Variants in WSCD2 observed in about 807,000 individuals in gnomAD.
WSCD2 encodes the protein sialate:O-sulfotransferase 2.
Under a neutral mutation model 55.7 loss-of-function variants are expected in WSCD2, and 28 were observed. The observed-to-expected ratio is 0.50, with a 90% CI of 0.37 to 0.69. The LOEUF (loss-of-function observed/expected upper bound fraction) is 0.69. Ranked by LOEUF, WSCD2 falls within the 30% of genes least tolerant of loss-of-function variation. The pLI is 0.00. For synonymous variants in WSCD2, 301 were observed against 301.9 expected (o/e 1.00, Z 0.03); for missense variants, 616 against 762.1 (o/e 0.81, Z 2.26).
chr12:108,235,253 T>C (rs1452173706), intron 7 of WSCD2, among the ~76,000 whole-genome samples: 3 of 152,214 alleles, frequency 2.0e-5, no homozygotes, highest in African/African-American at 7.2e-5. Context: ...TGTGTGAGCC[T>C]GTGGTGTAAA....
chr12:108,170,134 GTA>G (rs1880083407), intron 1 of WSCD2, among the ~76,000 whole-genome samples: 1 of 152,018 alleles, frequency 6.6e-6, no homozygotes, highest in South Asian at 2.1e-4. Flanking sequence ...TGTCCTGGAT[GTA>G]TGTGTGTGAG....
At chr12:108,211,687 A>G (rs1207051893) in intron 4 of WSCD2, among the ~76,000 whole-genome samples, 1 of 149,674 alleles carries the variant, frequency 6.7e-6, no homozygotes, top group Non-Finnish European at 1.5e-5. Context: ...AGAGCCTCAC[A>G]CTGTTGCCCA....
chr12:108,132,342 A>G (rs1875651813), intron 1 of WSCD2, among the ~76,000 whole-genome samples: 1 of 152,164 alleles, frequency 6.6e-6, no homozygotes, highest in Admixed American at 6.5e-5. Flanking sequence ...GTGTGTGTGG[A>G]CACGTGTGTG....
chr12:108,140,166 T>C (rs1876639458), intron 1 of WSCD2, among the ~76,000 whole-genome samples: 1 of 152,232 alleles, frequency 6.6e-6, no homozygotes, highest in African/African-American at 2.4e-5. Flanking sequence ...CTAGCTCTGC[T>C]GCTTCTCAGC....
chr12:108,219,117 C>T (rs1887185639), intron 4 of WSCD2, among the ~76,000 whole-genome samples: 1 of 152,218 alleles, frequency 6.6e-6, no homozygotes, highest in African/African-American at 2.4e-5. Flanking sequence ...TCTCAGCCAG[C>T]TGGTTGCCAG....
rs1028398533 is a variant in WSCD2, at chr12:108,195,652, C to T, written c.-181C>T. On this transcript the variant is annotated 5_prime_UTR_variant, in exon 2 of 9. Transcript: ENST00000547525. ...GGTAAGCTCCATCCTTTCTCATGGC[C>T]TCAGCCAAGCATTGAACTTGCCCTC... 3 of 842,500 alleles carry T rather than the reference C, an allele frequency of 3.6e-6. No homozygotes were observed. The African/African-American group carries it at 5.2e-5, about 14-fold the overall frequency. 52.2% of individuals were successfully genotyped at this position (842,500 alleles called of 1,614,324 possible). A position where few individuals can be genotyped will look rare whatever the true frequency, so the allele number is the denominator to read the frequency against.
At chr12:108,223,172 CACAT>C (rs1248808527) in intron 4 of WSCD2, among the ~76,000 whole-genome samples, 4 of 152,190 alleles carry the variant, frequency 2.6e-5, no homozygotes, top group Admixed American at 6.5e-5. Flanking sequence ...AGATGTCAAT[CACAT>C]ACATAAAATA....
At chr12:108,216,362 A>G (rs1886829148) in intron 4 of WSCD2, among the ~76,000 whole-genome samples, 1 of 152,244 alleles carries the variant, frequency 6.6e-6, no homozygotes, top group South Asian at 2.1e-4. Context: ...AGCTGTTATT[A>G]CTGCCATCAT....
chr12:108,199,542 C>T (rs1269504624), intron 2 of WSCD2, among the ~76,000 whole-genome samples: 3 of 152,226 alleles, frequency 2.0e-5, no homozygotes, highest in South Asian at 4.1e-4. Flanking sequence ...TTGGGCAGGT[C>T]GCTTCACCTT....
intron 1 of WSCD2, among the ~76,000 whole-genome samples, chr12:108,158,468 C>T (rs1268885586): frequency 5.4e-4 from 3 of 5,544 alleles, no homozygotes; most frequent in Admixed American, 4.6e-3. Context: ...CTGGGGCGGG[C>T]GGGGTGGGGG....
intron 1 of WSCD2, among the ~76,000 whole-genome samples, chr12:108,180,317 T>C (rs1881551663): frequency 1.3e-5 from 2 of 152,210 alleles, no homozygotes; most frequent in Admixed American, 6.5e-5. Context: ...CCCCCCGCAG[T>C]GGAGAATATT....
At chr12:108,199,342 G>A (rs540028344) in intron 2 of WSCD2, among the ~76,000 whole-genome samples, 6 of 152,322 alleles carry the variant, frequency 3.9e-5, no homozygotes, top group African/African-American at 1.4e-4. Flanking sequence ...GGGAGTGGGA[G>A]GGGAGGAGCT....
intron 1 of WSCD2, among the ~76,000 whole-genome samples, chr12:108,148,855 C>G (rs2136906121): frequency 6.6e-6 from 1 of 152,286 alleles, no homozygotes; most frequent in South Asian, 2.1e-4. Flanking sequence ...CCCATTTTTA[C>G]AAATGAGGCC....
At chr12:108,176,262 A>G (rs1210553020) in intron 1 of WSCD2, among the ~76,000 whole-genome samples, 3 of 152,212 alleles carry the variant, frequency 2.0e-5, no homozygotes, top group Non-Finnish European at 2.9e-5. Flanking sequence ...CTCTACTGCA[A>G]TCAAGATGAA....
chr12:108,133,240 G>A (rs761918845), intron 1 of WSCD2, among the ~76,000 whole-genome samples: 27 of 152,256 alleles, frequency 1.8e-4, no homozygotes, highest in East Asian at 3.9e-4. Flanking sequence ...CAGTTGCAGC[G>A]TACATTTGAG....
At chr12:108,238,213 A>T (rs1889422181) in intron 7 of WSCD2, among the ~76,000 whole-genome samples, 1 of 152,156 alleles carries the variant, frequency 6.6e-6, no homozygotes, top group Admixed American at 6.5e-5. Flanking sequence ...TTTTTCCATG[A>T]CACTGTGCTT....
chr12:108,206,374 C>T lies in WSCD2; in HGVS notation c.468C>T (p.Ile156=), dbSNP rs1176652926. 6.2e-7 allele frequency: 1 copy of T among 1,614,234 alleles called. No individual in the cohort carries two copies. The highest frequency in any genetic ancestry group is 2.2e-5 in the East Asian group (1 of 44,892). The part of the protein sequence containing the change: ...VSFFDYKKMT[I]FRCQDNCAER... ...TTTTTGACTACAAAAAGATGACCAT[C>T]TTCCGTTGCCAGGACAACTGTGCTG... is the stretch of plus-strand genomic sequence containing the variant. Residue 156 remains isoleucine (I), a synonymous_variant, in exon 3 of 9, where the codon ATC becomes ATT. Transcript: ENST00000547525.
At chr12:108,149,888 T>C (rs1026295850) in intron 1 of WSCD2, 1 of 152,172 alleles carries the variant, frequency 6.6e-6, no homozygotes, top group Non-Finnish European at 1.5e-5. Context: ...TCATGTGATG[T>C]TCTCCACAAC....
intron 7 of WSCD2, among the ~76,000 whole-genome samples, chr12:108,235,866 A>G (rs1889214917): frequency 6.6e-6 from 1 of 152,108 alleles, no homozygotes. Context: ...GGGAGCTTGG[A>G]GTTGGCAGTA....
Sources: gnomAD v4.1 joint callset for allele counts (sites outside exome capture counted in the v4.1 genomes callset) on GRCh38, gnomAD v4.1.1 for gene constraint, MANE v1.5 for transcripts, NCBI Gene and HGNC (gene_info 2026-07-23, HGNC 2026-07-21) for gene names.